The following LRP1B variants were observed in gnomAD, a reference collection of about 807,000 sequenced individuals.
The protein encoded by LRP1B is LDL receptor related protein 1B, also known as low-density lipoprotein receptor-related protein 1B.
Under a neutral mutation model 556.6 loss-of-function variants are expected in LRP1B, and 217 were observed. The ratio of observed to expected loss-of-function variants is 0.39; its 90% CI spans 0.35 to 0.44. The LOEUF (loss-of-function observed/expected upper bound fraction) is 0.44, where lower values mean the gene tolerates loss of function less well. LRP1B is among the 20% of genes least tolerant of loss of function. LRP1B has a pLI of 1.00. For synonymous variants in LRP1B, 2,047 were observed against 1,865.8 expected (o/e 1.10, Z -2.50); for missense variants, 5,053 against 5,620.8 (o/e 0.90, Z 3.23).
intron 1 of LRP1B, among the ~76,000 whole-genome samples, chr2:141,814,990 G>A (rs1022455687): frequency 1.3e-5 from 2 of 152,100 alleles, no homozygotes; most frequent in African/African-American, 4.8e-5. Flanking sequence ...CTAAAGTTAT[G>A]TGAAATTCTG....
intron 2 of LRP1B, among the ~76,000 whole-genome samples, chr2:141,808,848 CAT>C (rs1216008653): frequency 3.3e-5 from 5 of 152,048 alleles, no homozygotes; most frequent in African/African-American, 9.7e-5. Flanking sequence ...AATCGTAAAA[CAT>C]GTGATCTTTT....
chr2:142,100,500 A>G (rs966625415), intron 1 of LRP1B, among the ~76,000 whole-genome samples: 131 of 152,084 alleles, frequency 8.6e-4, no homozygotes, highest in African/African-American at 3.0e-3. Context: ...TGCCCCTTTC[A>G]TTTCTTTGGG....
chr2:140,323,635 ATAACAGAT>A (rs1432237549), intron 81 of LRP1B, among the ~76,000 whole-genome samples: 4 of 151,964 alleles, frequency 2.6e-5, no homozygotes, highest in Non-Finnish European at 5.9e-5. Context: ...TAGAAACAGA[ATAACAGAT>A]TATTGTAAGA....
chr2:140,260,505 A>C (rs943233926), intron 86 of LRP1B, among the ~76,000 whole-genome samples: 2 of 151,728 alleles, frequency 1.3e-5, no homozygotes, highest in Non-Finnish European at 2.9e-5. Context: ...ATTTGTCATT[A>C]TATATGTGTA....
intron 87 of LRP1B, among the ~76,000 whole-genome samples, chr2:140,242,357 AGTTT>A (rs1258957773): frequency 6.6e-6 from 1 of 151,094 alleles, no homozygotes; most frequent in African/African-American, 2.4e-5. Context: ...ATAATGCATC[AGTTT>A]GTTTTTGAGA....
intron 60 of LRP1B, among the ~76,000 whole-genome samples, chr2:140,467,663 G>A (rs1026073372): frequency 2.0e-5 from 3 of 149,900 alleles, no homozygotes; most frequent in African/African-American, 7.3e-5. Context: ...GAGGCTTTGA[G>A]AAGTGATTGT....
rs1186453911 is a variant in LRP1B at position 142,115,524 on chromosome 2, AAT to A, written c.82+15122_82+15123del. 3.2e-4 allele frequency among the ~76,000 whole-genome samples: 20 copies of A among 62,792 alleles called. 5 individuals carry two copies. Among genetic ancestry groups the A allele is most frequent in the South Asian group, 2.9e-3 (7 of 2,430 alleles). The allele number at this position is 62,792 out of a possible 152,430, so 41.2% of individuals were successfully genotyped here. A position where few individuals can be genotyped will look rare whatever the true frequency, so the allele number is the denominator to read the frequency against. On this transcript the variant is annotated intron_variant, in intron 1 of 90. Transcript: ENST00000389484. ...AATATATATTATATATTACATATAT[AAT>A]ATATATATTACATATGTAATATATA...
intron 2 of LRP1B, among the ~76,000 whole-genome samples, chr2:141,738,182 A>T (rs2105534469): frequency 6.6e-6 from 1 of 152,282 alleles, no homozygotes; most frequent in East Asian, 1.9e-4. Context: ...ATATTAGCCC[A>T]TATATTTAAT....
intron 2 of LRP1B, among the ~76,000 whole-genome samples, chr2:141,598,845 A>G (rs1687617406): frequency 6.6e-6 from 1 of 152,070 alleles, no homozygotes; most frequent in African/African-American, 2.4e-5. Context: ...TCTTTTAAGT[A>G]GGAACAACAC....
intron 1 of LRP1B, among the ~76,000 whole-genome samples, chr2:141,933,853 T>C (rs947196710): frequency 6.6e-6 from 1 of 151,990 alleles, no homozygotes; most frequent in South Asian, 2.1e-4. Flanking sequence ...CTCAGATAAT[T>C]CCCATTTATA....
chr2:141,408,308 A>G (rs910912539), intron 3 of LRP1B, among the ~76,000 whole-genome samples: 9 of 151,788 alleles, frequency 5.9e-5, no homozygotes, highest in Non-Finnish European at 1.2e-4. Context: ...ACGCGCAGCT[A>G]ATTTTTTTTG....
intron 3 of LRP1B, among the ~76,000 whole-genome samples, chr2:141,368,793 T>C (rs891752696): frequency 6.6e-6 from 1 of 152,184 alleles, no homozygotes; most frequent in African/African-American, 2.4e-5. Flanking sequence ...AATAGGTGAA[T>C]CTTAACTGAC....
chr2:142,113,462 G>T (rs1351159856), intron 1 of LRP1B, among the ~76,000 whole-genome samples: 6 of 145,698 alleles, frequency 4.1e-5, no homozygotes, highest in African/African-American at 1.5e-4. Flanking sequence ...AGAGAATGAG[G>T]TTAGGAGTAA....
chr2:140,644,834 C>T (rs1432268736), intron 41 of LRP1B, among the ~76,000 whole-genome samples: 3 of 152,056 alleles, frequency 2.0e-5, no homozygotes, highest in Non-Finnish European at 2.9e-5. Context: ...TTAAAGCAAT[C>T]GATCAGTACA....
At chr2:140,932,517 G>A (rs897031048) in intron 20 of LRP1B, among the ~76,000 whole-genome samples, 5 of 152,030 alleles carry the variant, frequency 3.3e-5, no homozygotes, top group African/African-American at 1.2e-4. Context: ...GCCCACCCTT[G>A]TTCTAAACTA....
At chr2:140,598,917 C>A in intron 42 of LRP1B, 82 bp from the exon 43 acceptor site, 4 of 889,124 alleles carry the variant, frequency 4.5e-6, no homozygotes, top group Middle Eastern at 2.6e-4. Context: ...CAATACCAAG[C>A]TATTTTAAAA....
At position 140,314,987 on chromosome 2, in the gene LRP1B, G is replaced by GT; in HGVS notation, c.12752dup (p.Asn4251LysfsTer4). 6.2e-7 allele frequency: 1 copy of GT among 1,611,294 alleles called. No homozygotes were observed. The highest frequency in any genetic ancestry group is 1.1e-5 in the South Asian group (1 of 90,716). On this transcript the variant is annotated frameshift_variant, in exon 83 of 91. Coordinates refer to ENST00000389484, the MANE Select transcript of LRP1B (RefSeq NM_018557.3). LOFTEE classifies it high-confidence loss of function. ...CATTCTGGCAGTAGTTGCTACAGTG[G>GT]TTGACTTCACATCTTTCTCCTGAAT...
intron 66 of LRP1B, among the ~76,000 whole-genome samples, chr2:140,388,059 C>G (rs1394130676): frequency 1.3e-5 from 2 of 151,882 alleles, no homozygotes; most frequent in Non-Finnish European, 2.9e-5. Flanking sequence ...GCCTCAGCCT[C>G]CCGAGTAGCT....
intron 2 of LRP1B, among the ~76,000 whole-genome samples, chr2:141,537,909 C>T (rs1427011419): frequency 1.3e-5 from 2 of 152,062 alleles, no homozygotes; most frequent in African/African-American, 4.8e-5. Flanking sequence ...TGTGGAATTC[C>T]ACCCATAACA....
Sources: allele counts gnomAD v4.1 joint callset (sites outside exome capture counted in the v4.1 genomes callset), GRCh38; gene constraint gnomAD v4.1.1; transcripts MANE v1.5; gene names NCBI Gene and HGNC (gene_info 2026-07-23, HGNC 2026-07-21).